The following HECW1 variants were observed in gnomAD, a reference collection of about 807,000 sequenced individuals.
The protein encoded by HECW1 is HECT, C2 and WW domain containing E3 ubiquitin protein ligase 1.
HECW1 carries 61 observed loss-of-function variants against 182.3 expected under a neutral mutation model. The observed-to-expected ratio is 0.33, with a 90% CI of 0.27 to 0.41. The LOEUF is 0.41. HECW1 is among the 10% of genes least tolerant of loss of function. The probability of loss-of-function intolerance (pLI) is 1.00; values close to 1 mark genes in which losing one functional copy is unlikely to be tolerated. For missense variants in HECW1, 1,739 were observed against 2,108.9 expected (o/e 0.82, Z 3.44); for synonymous variants, 859 against 832.6 (o/e 1.03, Z -0.55).
intron 19 of HECW1, among the ~76,000 whole-genome samples, chr7:43,496,785 G>C (rs7786169): frequency 1.3e-5 from 2 of 152,152 alleles, no homozygotes; most frequent in Admixed American, 6.5e-5. Context: ...TGAAAAGCAG[G>C]AAGCCACATG....
chr7:43,121,720 A>G (rs1785642480), intron 2 of HECW1: 1 of 152,078 alleles, frequency 6.6e-6, no homozygotes, highest in Non-Finnish European at 1.5e-5. Context: ...TCAGTTTCCT[A>G]ATAGGATATG....
At chr7:43,335,574 G>A (rs1167017735) in intron 5 of HECW1, among the ~76,000 whole-genome samples, 1 of 152,192 alleles carries the variant, frequency 6.6e-6, no homozygotes, top group Non-Finnish European at 1.5e-5. Flanking sequence ...AGAACTGTGA[G>A]GAATAAATGT....
chr7:43,261,008 G>T (rs1473296763), intron 3 of HECW1, among the ~76,000 whole-genome samples: 1 of 152,202 alleles, frequency 6.6e-6, no homozygotes, highest in Non-Finnish European at 1.5e-5. Context: ...AGGAAATTAA[G>T]AAATTAATTA....
intron 5 of HECW1, among the ~76,000 whole-genome samples, chr7:43,332,709 G>A (rs1371213232): frequency 6.6e-6 from 1 of 152,168 alleles, no homozygotes; most frequent in East Asian, 1.9e-4. Context: ...TGCAAGGTCC[G>A]ACCCCTGGGC....
chr7:43,144,116 C>T (rs556501939), intron 2 of HECW1, among the ~76,000 whole-genome samples: 51 of 152,272 alleles, frequency 3.3e-4, no homozygotes, highest in African/African-American at 1.1e-3. Flanking sequence ...GTTTCTCGGA[C>T]GTTCCTTGTT....
chr7:43,418,187 G>C (rs944330169), intron 8 of HECW1, among the ~76,000 whole-genome samples: 2 of 152,118 alleles, frequency 1.3e-5, no homozygotes, highest in African/African-American at 4.8e-5. Flanking sequence ...TACGGGATTA[G>C]GGCCCACCCT....
intron 7 of HECW1, among the ~76,000 whole-genome samples, chr7:43,398,441 C>T (rs904901346): frequency 1.3e-5 from 2 of 152,144 alleles, no homozygotes; most frequent in African/African-American, 4.8e-5. Context: ...ACTACCTTAG[C>T]TTGTCAAATC....
intron 2 of HECW1, among the ~76,000 whole-genome samples, chr7:43,199,319 A>C (rs1185392674): frequency 6.6e-6 from 1 of 152,262 alleles, no homozygotes; most frequent in Non-Finnish European, 1.5e-5. Context: ...TATTTACTTC[A>C]GTATTGACAT....
At chr7:43,263,086 G>C (rs144158826) in intron 3 of HECW1, among the ~76,000 whole-genome samples, 5 of 152,072 alleles carry the variant, frequency 3.3e-5, no homozygotes, top group African/African-American at 1.2e-4. Context: ...TGCATTTTCC[G>C]CAATTACTTA....
At chr7:43,361,317 A>AT (rs1009307462) in intron 6 of HECW1, among the ~76,000 whole-genome samples, 1 of 152,256 alleles carries the variant, frequency 6.6e-6, no homozygotes, top group South Asian at 2.1e-4. Flanking sequence ...TTTGGATCAC[A>AT]TTTTTTAATT....
intron 8 of HECW1, among the ~76,000 whole-genome samples, chr7:43,431,986 C>T (rs1385313341): frequency 2.0e-5 from 3 of 151,898 alleles, no homozygotes; most frequent in South Asian, 2.1e-4. Context: ...TGCCACCATG[C>T]CTGGCTAATT....
chr7:43,324,801 CAT>C (rs1283614850), intron 5 of HECW1, among the ~76,000 whole-genome samples: 1 of 152,142 alleles, frequency 6.6e-6, no homozygotes, highest in African/African-American at 2.4e-5. Context: ...ATTAAATTAA[CAT>C]AATAAAATAA....
At chr7:43,168,920 A>G (rs999801815) in intron 2 of HECW1, among the ~76,000 whole-genome samples, 2 of 152,200 alleles carry the variant, frequency 1.3e-5, no homozygotes, top group Non-Finnish European at 2.9e-5. Flanking sequence ...CTCATTGTTC[A>G]CTATAGAAAG....
intron 5 of HECW1, among the ~76,000 whole-genome samples, chr7:43,357,256 G>A (rs546760208): frequency 2.0e-4 from 31 of 152,036 alleles, no homozygotes; most frequent in Non-Finnish European, 1.2e-4. Context: ...TCAATATATC[G>A]AAGAGATACC....
intron 3 of HECW1, 98 bp from the exon 4 acceptor site, chr7:43,311,665 A>G (rs765664880): frequency 1.9e-6 from 2 of 1,079,792 alleles, no homozygotes; most frequent in Non-Finnish European, 2.8e-6. Context: ...GCTCACTCAC[A>G]GCGCGTGTCT....
intron 5 of HECW1, among the ~76,000 whole-genome samples, chr7:43,358,529 A>G (rs949286906): frequency 5.3e-4 from 80 of 152,248 alleles, no homozygotes; most frequent in Non-Finnish European, 7.3e-5. Context: ...ACTGGTTAGC[A>G]TCCAGGCATC....
intron 8 of HECW1, among the ~76,000 whole-genome samples, chr7:43,431,345 C>T (rs1034284416): frequency 6.6e-6 from 1 of 152,198 alleles, no homozygotes; most frequent in African/African-American, 2.4e-5. Flanking sequence ...CATTCAGCCC[C>T]TCTCTGCATT....
intron 5 of HECW1, among the ~76,000 whole-genome samples, chr7:43,344,076 TA>T (rs1813372510): frequency 6.6e-6 from 1 of 151,838 alleles, no homozygotes; most frequent in Admixed American, 6.5e-5. Context: ...TGTCTGTTCA[TA>T]TCCTTTGCCC....
At chr7:43,213,146 T>G (rs1796144279) in intron 2 of HECW1, among the ~76,000 whole-genome samples, 1 of 152,154 alleles carries the variant, frequency 6.6e-6, no homozygotes, top group Admixed American at 6.5e-5. Flanking sequence ...ATGATAAGTC[T>G]TTTTTATATA....
Sources: allele counts gnomAD v4.1 joint callset (sites outside exome capture counted in the v4.1 genomes callset), GRCh38; gene constraint gnomAD v4.1.1; transcripts MANE v1.5; gene names NCBI Gene and HGNC (gene_info 2026-07-23, HGNC 2026-07-21).